PCDH11Y: variants seen among roughly 807,000 people sequenced by gnomAD.
PCDH11Y encodes the protein protocadherin 11 Y-linked.
For missense variants in PCDH11Y, 12 were observed against 224.8 expected, an observed-to-expected ratio of 0.05 and a Z score of 6.05; for synonymous variants, 9 against 83.6, an observed-to-expected ratio of 0.11 and a Z score of 4.87.
At position 5,175,361 on chromosome Y, in the gene PCDH11Y, A is replaced by G. The variant is rs1602880493; in HGVS notation, c.3129+74654A>G. 9.8e-5 allele frequency among the ~76,000 whole-genome samples: 3 copies of G among 30,546 alleles called. No homozygotes were observed. In the East Asian group the frequency reaches 2.6e-3, roughly 27 times the overall value. 82.0% of individuals were successfully genotyped at this position (30,546 alleles called of 37,273 possible). A position where few individuals can be genotyped will look rare whatever the true frequency, so the allele number is the denominator to read the frequency against. ...ATGATTCTTAGGTAAGGATTTGGAA[A>G]TTTCTTTTTTTTTTTTTCTTTTTTA... On this transcript the variant is annotated intron_variant, in intron 2 of 4. Transcript: ENST00000400457.
intron 2 of PCDH11Y, among the ~76,000 whole-genome samples, chrY:5,387,662 T>A: frequency 6.7e-5 from 2 of 30,031 alleles, no homozygotes; most frequent in Non-Finnish European, 1.6e-4. Flanking sequence ...CAGGAGGTGG[T>A]GCTTTCAAGA....
chrY:5,017,236 T>G (rs2052562259), intron 1 of PCDH11Y, among the ~76,000 whole-genome samples: 1 of 33,468 alleles, frequency 3.0e-5, no homozygotes, highest in Non-Finnish European at 7.5e-5. Context: ...CTAACATAGT[T>G]ATTGGTCTAT....
intron 2 of PCDH11Y, among the ~76,000 whole-genome samples, chrY:5,232,196 G>T: frequency 3.1e-5 from 1 of 32,682 alleles, no homozygotes; most frequent in Non-Finnish European, 7.5e-5. Flanking sequence ...GGTTGTGCTG[G>T]TACCTCAGAT....
chrY:5,639,354 C>T, intron 4 of PCDH11Y, among the ~76,000 whole-genome samples: 2 of 32,312 alleles, frequency 6.2e-5, no homozygotes, highest in Non-Finnish European at 1.5e-4. Flanking sequence ...AAGCATACCT[C>T]GACGATATTG....
chrY:5,475,058 G>GT (rs1275699808), intron 2 of PCDH11Y, among the ~76,000 whole-genome samples: 17 of 30,436 alleles, frequency 5.6e-4, no homozygotes, highest in African/African-American at 1.1e-3. Flanking sequence ...GTTCTAACAG[G>GT]TTTTTTTTTT....
At chrY:5,428,324 T>G in intron 2 of PCDH11Y, among the ~76,000 whole-genome samples, 1 of 33,796 alleles carries the variant, frequency 3.0e-5, no homozygotes, top group African/African-American at 1.2e-4. Context: ...TTGTTTTTAT[T>G]CTCATTCTAT....
intron 3 of PCDH11Y, among the ~76,000 whole-genome samples, chrY:5,521,584 G>A: frequency 3.2e-5 from 1 of 31,409 alleles, no homozygotes; most frequent in Non-Finnish European, 7.7e-5. Context: ...GTTTTAACAT[G>A]TGTTTATCAG....
chrY:5,285,317 G>A, intron 2 of PCDH11Y, among the ~76,000 whole-genome samples: 3 of 32,649 alleles, frequency 9.2e-5, no homozygotes, highest in Admixed American at 8.5e-4. Context: ...TGGGCGTTTA[G>A]GTTGGTTCCA....
At chrY:5,035,501 A>G in intron 3 of PCDH11Y, among the ~76,000 whole-genome samples, 6 of 31,864 alleles carry the variant, frequency 1.9e-4, no homozygotes, top group African/African-American at 7.3e-4. Context: ...CTGTTTCAAA[A>G]TGCACTTGAT....
At chrY:5,352,262 C>T (rs2053160547) in intron 2 of PCDH11Y, among the ~76,000 whole-genome samples, 1 of 30,762 alleles carries the variant, frequency 3.3e-5, no homozygotes, top group Non-Finnish European at 7.7e-5. Flanking sequence ...GCTGGGACTA[C>T]AGGTGCGTGC....
intron 2 of PCDH11Y, among the ~76,000 whole-genome samples, chrY:5,266,743 TAAG>T (rs2053026940): frequency 3.1e-5 from 1 of 32,475 alleles, no homozygotes; most frequent in East Asian, 7.9e-4. Flanking sequence ...TTTATTAAAT[TAAG>T]AAACACCATA....
At chrY:5,007,101 T>A (rs2124617580) in intron 1 of PCDH11Y, among the ~76,000 whole-genome samples, 1 of 33,614 alleles carries the variant, frequency 3.0e-5, no homozygotes, top group East Asian at 7.9e-4. Context: ...CCAGAAATTA[T>A]AGATGTACCT....
intron 2 of PCDH11Y, among the ~76,000 whole-genome samples, chrY:5,299,566 C>T (rs2124663011): frequency 3.1e-5 from 1 of 32,198 alleles, no homozygotes; most frequent in East Asian, 8.2e-4. Flanking sequence ...CCTTTCCAAG[C>T]CCTGTCTCTG....
intron 3 of PCDH11Y, among the ~76,000 whole-genome samples, chrY:5,041,049 G>A: frequency 3.2e-5 from 1 of 30,836 alleles, no homozygotes; most frequent in Admixed American, 3.0e-4. Flanking sequence ...TTGGTGACCC[G>A]AATCTCCAGC....
chrY:5,697,123 G>A, intron 4 of PCDH11Y, among the ~76,000 whole-genome samples: 1 of 33,554 alleles, frequency 3.0e-5, no homozygotes, highest in South Asian at 6.8e-4. Context: ...AGGTCCACTT[G>A]ATCCGGAGCT....
chrY:5,048,867 T>C, intron 3 of PCDH11Y, among the ~76,000 whole-genome samples: 1 of 33,343 alleles, frequency 3.0e-5, no homozygotes, highest in Non-Finnish European at 7.3e-5. Context: ...CTATTGATGG[T>C]TTCTTTTGCT....
chrY:5,149,428 G>A, intron 2 of PCDH11Y, among the ~76,000 whole-genome samples: 1 of 30,807 alleles, frequency 3.2e-5, no homozygotes, highest in Admixed American at 3.1e-4. Flanking sequence ...GTATAGAAGG[G>A]AGAGGAATCT....
intron 2 of PCDH11Y, among the ~76,000 whole-genome samples, chrY:5,325,573 T>A: frequency 6.0e-5 from 2 of 33,333 alleles, no homozygotes; most frequent in South Asian, 1.3e-3. Context: ...ACCTAGGACA[T>A]CTGATTAGAG....
chrY:5,455,966 G>A (rs2053297627), intron 2 of PCDH11Y, among the ~76,000 whole-genome samples: 1 of 33,431 alleles, frequency 3.0e-5, no homozygotes, highest in Non-Finnish European at 7.4e-5. Flanking sequence ...AAGTGTGATC[G>A]AATTAAACTA....
Sources: gnomAD v4.1 joint callset for allele counts (sites outside exome capture counted in the v4.1 genomes callset) on GRCh38, gnomAD v4.1.1 for gene constraint, MANE v1.5 for transcripts, NCBI Gene and HGNC (gene_info 2026-07-23, HGNC 2026-07-21) for gene names.